Variants in AGAP1 observed in about 807,000 individuals in gnomAD.
The protein encoded by AGAP1 is ArfGAP with GTPase domain, ankyrin repeat and PH domain 1.
A neutral mutation model predicts 105.3 loss-of-function variants in AGAP1; 29 were observed. The observed-to-expected ratio is 0.28, with a 90% confidence interval of 0.21 to 0.38. The LOEUF is 0.38. Ranked by LOEUF, AGAP1 falls within the 10% of genes least tolerant of loss-of-function variation. The pLI is 1.00. For synonymous variants in AGAP1, 509 were observed against 485.9 expected, an observed-to-expected ratio of 1.05 and a Z score of -0.63; for missense variants, 998 against 1,165.1, an observed-to-expected ratio of 0.86 and a Z score of 2.09.
In AGAP1 at chr2:236,109,910, C is replaced by A. The variant is rs2059601053; in HGVS notation, c.2115-10282C>A. On this transcript the variant is annotated intron_variant, in intron 16 of 17. Transcript: ENST00000304032. The surrounding 1 kb of genome is among the most constrained non-coding windows in gnomAD (Gnocchi z 5.4). ...CTAACCCTTCGTCAGAGACCAGAAC[C>A]AAGTGTTAAGATGGCCAAAGGGAGA... is the stretch of plus-strand genomic sequence containing the variant. 6.6e-6 allele frequency among the ~76,000 whole-genome samples: 1 copy of A among 152,172 alleles called. No individual in the cohort carries two copies. Among genetic ancestry groups the A allele is most frequent in the African/African-American group, 2.4e-5 (1 of 41,456 alleles).
intron 9 of AGAP1, among the ~76,000 whole-genome samples, chr2:235,854,555 A>G (rs1007472345): frequency 1.3e-5 from 2 of 152,192 alleles, no homozygotes; most frequent in African/African-American, 4.8e-5. Flanking sequence ...AGCCAGCTCT[A>G]CAGCAGGCCC....
intron 1 of AGAP1, among the ~76,000 whole-genome samples, chr2:235,530,490 C>T (rs1943004884): frequency 1.3e-5 from 2 of 152,154 alleles, no homozygotes. Context: ...AAGGTGTTGG[C>T]AGGGCCGCGT....
intron 13 of AGAP1, among the ~76,000 whole-genome samples, chr2:236,030,519 T>C (rs2057192331): frequency 6.6e-6 from 1 of 152,258 alleles, no homozygotes; most frequent in African/African-American, 2.4e-5. Flanking sequence ...CCTGGGTTTA[T>C]GTTTCCTATC....
In AGAP1 at chr2:235,988,862, A is replaced by G. The variant is rs1265475489; in HGVS notation, c.1645+20239A>G. ...GTCGCCTCCTTGACTCTCATCACTC[A>G]CATGGTCCCCCAGCAGGTAACTTGC... is the stretch of plus-strand genomic sequence containing the variant. On this transcript the variant is annotated intron_variant, in intron 13 of 17. Coordinates refer to ENST00000304032, the MANE Select transcript of AGAP1 (RefSeq NM_001037131.3). This position sits in a 1 kb window ranked among gnomAD's most constrained non-coding sequence, Gnocchi z 4.7. Among the ~76,000 whole-genome samples the G allele has an allele frequency of 1.3e-5, 2 of 151,958 alleles. No homozygotes were observed. Among genetic ancestry groups the G allele is most frequent in the Non-Finnish European group, 2.9e-5 (2 of 67,968 alleles).
chr2:235,511,399 G>T (rs1004078502), intron 1 of AGAP1, among the ~76,000 whole-genome samples: 1 of 152,076 alleles, frequency 6.6e-6, no homozygotes, highest in African/African-American at 2.4e-5. Context: ...AGGGAGGGGG[G>T]CAGCCAGGAG....
At position 236,073,436 on chromosome 2, in the gene AGAP1, C is replaced by G. The variant is rs1365933823; in HGVS notation, c.2114+24155C>G. On this transcript the variant is annotated intron_variant, in intron 16 of 17. Transcript: ENST00000304032. The surrounding 1 kb of genome is among the most constrained non-coding windows in gnomAD (Gnocchi z 5.4). ...GCAATCATGGGTCTAGATAGCTTAT[C>G]AGGACAGGAGTTACATTTGCCCTAT... 6.6e-6 allele frequency among the ~76,000 whole-genome samples: 1 copy of G among 152,112 alleles called. No individual in the cohort carries two copies. The highest frequency in any genetic ancestry group is 2.4e-5 in the African/African-American group (1 of 41,410).
intron 13 of AGAP1, among the ~76,000 whole-genome samples, chr2:235,985,698 T>G (rs2055284514): frequency 6.6e-6 from 1 of 152,222 alleles, no homozygotes. Flanking sequence ...GACTAGCCAG[T>G]TTTCCCAGCA....
At chr2:236,063,016 G>A (rs529779131) in intron 16 of AGAP1, among the ~76,000 whole-genome samples, 1 of 152,212 alleles carries the variant, frequency 6.6e-6, no homozygotes, top group African/African-American at 2.4e-5. Context: ...CAGGGATCCT[G>A]GCCTCCAGTG....
chr2:235,678,281 A>T (rs1366242838), intron 1 of AGAP1, among the ~76,000 whole-genome samples: 2 of 152,188 alleles, frequency 1.3e-5, no homozygotes, highest in African/African-American at 4.8e-5. Context: ...AACACTCTGG[A>T]AGCCAAGTTC....
chr2:235,852,805 T>C (rs781764474), intron 9 of AGAP1: 2 of 1,523,574 alleles, frequency 1.3e-6, no homozygotes, highest in South Asian at 1.3e-5. Flanking sequence ...GCCCGCATTG[T>C]GCTGAAGGCC....
chr2:236,095,984 C>T lies in AGAP1; in HGVS notation c.2115-24208C>T, dbSNP rs2059182519. On this transcript the variant is annotated intron_variant, in intron 16 of 17. Coordinates refer to ENST00000304032, the MANE Select transcript of AGAP1 (RefSeq NM_001037131.3). The surrounding 1 kb of genome is among the most constrained non-coding windows in gnomAD (Gnocchi z 4.1). ...GGGTTCGCCAACATGAGTTATTTCC[C>T]ATTAAATTTCCCCAGCTTCTGTGCC... Among the ~76,000 whole-genome samples, 2 of 152,188 alleles carry T rather than the reference C, an allele frequency of 1.3e-5. No homozygotes were observed. Among genetic ancestry groups the T allele is most frequent in the Non-Finnish European group, 2.9e-5 (2 of 68,036 alleles).
At position 235,670,170 on chromosome 2, in the gene AGAP1, C is replaced by G; in HGVS notation, c.164-39009C>G. The G allele has an allele frequency of 5.1e-6, 3 of 585,282 alleles. 1 individual carries two copies. The highest frequency in any genetic ancestry group is 9.3e-6 in the Non-Finnish European group (3 of 321,008). 36.3% of individuals were successfully genotyped at this position (585,282 alleles called of 1,614,324 possible). On this transcript the variant is annotated intron_variant, in intron 1 of 17. Coordinates refer to ENST00000304032, the MANE Select transcript of AGAP1 (RefSeq NM_001037131.3). ...GACGCGATGCCGCGCGGGACGCCCCCCAGAAAGACTGTCTACCGCATCTCC... is the reference window on the plus strand; with the variant it reads ...GACGCGATGCCGCGCGGGACGCCCCGCAGAAAGACTGTCTACCGCATCTCC...
intron 1 of AGAP1, among the ~76,000 whole-genome samples, chr2:235,543,765 C>G (rs1379964187): frequency 6.6e-6 from 1 of 152,192 alleles, no homozygotes; most frequent in African/African-American, 2.4e-5. Flanking sequence ...GTAGGAACAG[C>G]ACGAGAGCTC....
intron 10 of AGAP1, among the ~76,000 whole-genome samples, chr2:235,890,180 T>TTTTA (rs1553664849): frequency 1.3e-5 from 2 of 150,710 alleles, no homozygotes; most frequent in East Asian, 2.0e-4. Flanking sequence ...TTTTTTTTTT[T>TTTTA]AAGACAGTCT....
At chr2:235,816,582 A>G (rs771883767) in intron 9 of AGAP1, among the ~76,000 whole-genome samples, 6 of 151,748 alleles carry the variant, frequency 4.0e-5, no homozygotes, top group Non-Finnish European at 5.9e-5. Context: ...GCCATTTGCA[A>G]ACACTACATA....
At position 235,744,764 on chromosome 2, in the gene AGAP1, G is replaced by A. The variant is rs200676786; in HGVS notation, c.463G>A (p.Val155Ile). 2.6e-5 allele frequency: 42 copies of A among 1,613,942 alleles called. No individual in the cohort carries two copies. Among genetic ancestry groups the A allele is most frequent in the African/African-American group, 1.3e-4 (10 of 74,974 alleles). ...SLEDEISFQT[V>I]YHYYSRMANY... is the part of the protein sequence containing the mutation. Reference sequence around the variant, plus strand: ...GGAGGATGAAATAAGTTTCCAGACCGTTTACCACTACTACAGTCGAATGGC... The same window carrying A: ...GGAGGATGAAATAAGTTTCCAGACCATTTACCACTACTACAGTCGAATGGC... The change falls in exon 5 of 18, where the codon GTT becomes ATT. Residue 155 changes from valine (V) to isoleucine (I), a missense_variant. Around this residue, in one of 3 missense-constraint regions of AGAP1, gnomAD observed 735 missense variants for 833.4 expected, o/e 0.88. Transcript: ENST00000304032. The surrounding 1 kb of genome is among the most constrained non-coding windows in gnomAD (Gnocchi z 5.2).
intron 11 of AGAP1, among the ~76,000 whole-genome samples, chr2:235,926,256 A>G (rs905629268): frequency 6.6e-6 from 1 of 152,218 alleles, no homozygotes; most frequent in African/African-American, 2.4e-5. Flanking sequence ...AATGTGCATG[A>G]TTATTAAAAA....
At chr2:235,813,935 G>A (rs1315952838) in intron 9 of AGAP1, among the ~76,000 whole-genome samples, 1 of 152,192 alleles carries the variant, frequency 6.6e-6, no homozygotes. Context: ...CCACTCAGTG[G>A]CCGGACTCTC....
intron 1 of AGAP1, among the ~76,000 whole-genome samples, chr2:235,636,841 CCTT>C (rs1319447173): frequency 6.6e-6 from 1 of 152,058 alleles, no homozygotes; most frequent in Admixed American, 6.6e-5. Flanking sequence ...TGATGGATGT[CCTT>C]CTGAGAAGGG....
Sources: allele counts gnomAD v4.1 joint callset (sites outside exome capture counted in the v4.1 genomes callset), GRCh38; gene constraint gnomAD v4.1.1; regional missense constraint gnomAD v4.1.1; non-coding constraint Gnocchi (gnomAD v3.1); transcripts MANE v1.5; gene names NCBI Gene and HGNC (gene_info 2026-07-23, HGNC 2026-07-21).